Variants in PRORP observed in about 807,000 individuals in gnomAD.
The protein encoded by PRORP is mitochondrial ribonuclease P catalytic subunit.
Under a neutral mutation model 59.4 loss-of-function variants are expected in PRORP, and 51 were observed. That is an observed-to-expected ratio of 0.86 (90% CI 0.69 to 1.08). The LOEUF (loss-of-function observed/expected upper bound fraction) is 1.08. PRORP is among the 50% of genes least tolerant of loss of function. The pLI is 0.00. For synonymous variants in PRORP, 231 were observed against 245.6 expected (o/e 0.94, Z 0.55); for missense variants, 646 against 690.3 (o/e 0.94, Z 0.72).
At position 35,233,703 on chromosome 14, in the gene PRORP, TC is replaced by T. The variant is rs373652497; in HGVS notation, c.1276-33023del. On this transcript the variant is annotated intron_variant, in intron 5 of 7. Coordinates refer to ENST00000534898, the MANE Select transcript of PRORP (RefSeq NM_014672.4). ...TCTTTGAGTAGTTCTCTAATTTTTT[TC>T]GTTTCCTTTTTTTTTCCCTGCACAG... Among the ~76,000 whole-genome samples, 387 of 152,314 alleles carry T rather than the reference TC, an allele frequency of 2.5e-3. 3 individuals carry two copies. The highest frequency in any genetic ancestry group is 8.9e-3 in the African/African-American group (371 of 41,576).
chr14:35,192,686 C>T (rs922857423), intron 5 of PRORP, among the ~76,000 whole-genome samples: 2 of 152,032 alleles, frequency 1.3e-5, no homozygotes, highest in Non-Finnish European at 2.9e-5. Context: ...AATAACTTTC[C>T]ATTAAGAAAA....
chr14:35,253,682 G>A (rs950600327), intron 5 of PRORP, among the ~76,000 whole-genome samples: 2 of 152,142 alleles, frequency 1.3e-5, no homozygotes, highest in African/African-American at 2.4e-5. Flanking sequence ...CCCCTTGGTT[G>A]TAGGCCACAC....
At chr14:35,175,816 A>G (rs1348438870) in intron 4 of PRORP, among the ~76,000 whole-genome samples, 1 of 152,168 alleles carries the variant, frequency 6.6e-6, no homozygotes, top group Admixed American at 6.6e-5. Context: ...GTCCTTGCCC[A>G]TGCCTATGTC....
intron 4 of PRORP, among the ~76,000 whole-genome samples, chr14:35,177,338 C>T (rs576864922): frequency 5.3e-5 from 8 of 152,208 alleles, no homozygotes; most frequent in African/African-American, 1.2e-4. Flanking sequence ...CTCCTTGTAC[C>T]TCTGGTAGAA....
intron 7 of PRORP, 112 bp downstream of exon 7, chr14:35,270,708 TCA>T: frequency 2.0e-6 from 2 of 1,024,008 alleles, no homozygotes; most frequent in Admixed American, 2.4e-5. Flanking sequence ...TTTATTTTTC[TCA>T]GTTTTAGGTT....
chr14:35,123,270 C>G lies in PRORP; in HGVS notation c.25C>G (p.Arg9Gly). ...AATGACTTTCTATTTGTTTGGTATTCGAAGCTTTCCGAAGCTTTGGAAGAG... is the reference window on the plus strand; with the variant it reads ...AATGACTTTCTATTTGTTTGGTATTGGAAGCTTTCCGAAGCTTTGGAAGAG... MTFYLFGI[R>G]SFPKLWKSPY... The change falls in exon 2 of 8, where the codon CGA becomes GGA. Residue 9 changes from arginine to glycine, a missense_variant. Arg to Gly is a moderately radical substitution (Grantham distance 125, BLOSUM62 -2). Coordinates refer to ENST00000534898, the MANE Select transcript of PRORP (RefSeq NM_014672.4). 5.0e-6 allele frequency: 8 copies of G among 1,611,130 alleles called. No individual in the cohort carries two copies. The highest frequency in any genetic ancestry group is 2.2e-5 in the East Asian group (1 of 44,838).
At chr14:35,130,180 G>A (rs765980944) in intron 4 of PRORP, among the ~76,000 whole-genome samples, 2 of 151,720 alleles carry the variant, frequency 1.3e-5, no homozygotes, top group Non-Finnish European at 2.9e-5. Context: ...ACAGGTGCCC[G>A]CCACCATGCC....
chr14:35,242,252 T>C (rs1445194802), intron 5 of PRORP, among the ~76,000 whole-genome samples: 2 of 152,214 alleles, frequency 1.3e-5, no homozygotes, highest in African/African-American at 4.8e-5. Flanking sequence ...ATATTTGTGT[T>C]GAATTTAATA....
At chr14:35,231,002 C>G (rs1427798178) in intron 5 of PRORP, among the ~76,000 whole-genome samples, 2 of 150,990 alleles carry the variant, frequency 1.3e-5, no homozygotes, top group African/African-American at 2.4e-5. Context: ...TGTCTAGTCT[C>G]TAGAAGGCTA....
intron 4 of PRORP, among the ~76,000 whole-genome samples, chr14:35,175,428 C>T (rs754575522): frequency 7.8e-4 from 119 of 151,928 alleles, no homozygotes; most frequent in Admixed American, 1.2e-3. Context: ...TTTTAATGAT[C>T]GCCATTCTAA....
intron 5 of PRORP, among the ~76,000 whole-genome samples, chr14:35,183,125 C>G (rs2048656487): frequency 6.6e-6 from 1 of 151,840 alleles, no homozygotes; most frequent in South Asian, 2.1e-4. Context: ...ATATTAAAAA[C>G]AAAGCAAAAA....
intron 7 of PRORP, among the ~76,000 whole-genome samples, chr14:35,271,844 G>A (rs916619365): frequency 6.6e-6 from 1 of 152,136 alleles, no homozygotes. Flanking sequence ...AGCCAACATA[G>A]CGAAAACCTC....
At chr14:35,245,366 T>C (rs1595371203) in intron 5 of PRORP, among the ~76,000 whole-genome samples, 1 of 152,266 alleles carries the variant, frequency 6.6e-6, no homozygotes, top group East Asian at 1.9e-4. Flanking sequence ...ATGGTGGCCA[T>C]GCACAGTGGC....
intron 4 of PRORP, among the ~76,000 whole-genome samples, chr14:35,143,108 C>G (rs140016322): frequency 6.9e-6 from 1 of 145,596 alleles, no homozygotes; most frequent in African/African-American, 2.4e-5. Context: ...GTCTCGGGAC[C>G]CTTTTACATA....
At chr14:35,198,561 A>G (rs1353757028) in intron 5 of PRORP, among the ~76,000 whole-genome samples, 1 of 152,254 alleles carries the variant, frequency 6.6e-6, no homozygotes, top group Non-Finnish European at 1.5e-5. Flanking sequence ...ATCCATGGTA[A>G]TCCACAGCAG....
chr14:35,253,340 A>T (rs1306932996), intron 5 of PRORP, among the ~76,000 whole-genome samples: 1 of 148,830 alleles, frequency 6.7e-6, no homozygotes, highest in East Asian at 2.0e-4. Flanking sequence ...TCAAAAAAAA[A>T]AAAAGAGAGA....
chr14:35,233,145 T>C (rs1406085698), intron 5 of PRORP, among the ~76,000 whole-genome samples: 1 of 137,292 alleles, frequency 7.3e-6, no homozygotes, highest in Non-Finnish European at 1.6e-5. Context: ...TTATTGATCA[T>C]CATAAGCATC....
chr14:35,262,151 T>C (rs2138639019), intron 5 of PRORP, among the ~76,000 whole-genome samples: 1 of 152,216 alleles, frequency 6.6e-6, no homozygotes, highest in South Asian at 2.1e-4. Flanking sequence ...GAAATAGTTT[T>C]TGTTTGAATT....
At chr14:35,188,543 C>A (rs1035095613) in intron 5 of PRORP, among the ~76,000 whole-genome samples, 2 of 151,896 alleles carry the variant, frequency 1.3e-5, no homozygotes, top group Admixed American at 1.3e-4. Flanking sequence ...GATATATAAT[C>A]TCTAAGTATT....
Sources: allele counts gnomAD v4.1 joint callset (sites outside exome capture counted in the v4.1 genomes callset), GRCh38; gene constraint gnomAD v4.1.1; transcripts MANE v1.5; gene names NCBI Gene and HGNC (gene_info 2026-07-23, HGNC 2026-07-21).